The following KHDRBS2 variants were observed in gnomAD, a reference collection of about 807,000 sequenced individuals.
The protein encoded by KHDRBS2 is KH RNA binding domain containing, signal transduction associated 2.
KHDRBS2 carries 26 observed loss-of-function variants against 44.3 expected under a neutral mutation model. The observed-to-expected ratio is 0.59, with a 90% CI of 0.43 to 0.81. KHDRBS2 has a LOEUF of 0.81. KHDRBS2 is among the 40% of genes least tolerant of loss of function. KHDRBS2 has a pLI of 0.00. For missense variants in KHDRBS2, 476 were observed against 433.1 expected (o/e 1.10, Z -0.88); for synonymous variants, 194 against 151.1 (o/e 1.28, Z -2.08).
At chr6:61,969,672 G>A (rs892703234) in intron 4 of KHDRBS2, among the ~76,000 whole-genome samples, 13 of 151,972 alleles carry the variant, frequency 8.6e-5, no homozygotes, top group Non-Finnish European at 1.9e-4. Flanking sequence ...GAAAAGAACA[G>A]AAGAGGATTA....
rs537673863 is a variant in KHDRBS2, at chr6:62,044,119, G to A, written c.336+3759C>T. On this transcript the variant is annotated intron_variant, in intron 3 of 8. Coordinates refer to ENST00000281156, the MANE Select transcript of KHDRBS2 (RefSeq NM_152688.4). The stretch of plus-strand genomic sequence containing the variant: ...ACAACCAAATATCTTCTTTTATCAT[G>A]AAGTAAAGATCGAGTTTAAGACATA... Among the ~76,000 whole-genome samples the A allele has an allele frequency of 2.0e-4, 31 of 151,776 alleles. 1 individual carries two copies. In the South Asian group the frequency reaches 4.6e-3, roughly 22 times the overall value.
chr6:62,126,885 T>TCA (rs1362192865), intron 2 of KHDRBS2, among the ~76,000 whole-genome samples: 3 of 152,212 alleles, frequency 2.0e-5, no homozygotes. Context: ...TTTAACTTTA[T>TCA]ATATAGGTTT....
chr6:61,623,025 C>T, the KHDRBS2 span, among the ~76,000 whole-genome samples: 25 of 152,020 alleles, frequency 1.6e-4, no homozygotes, highest in Non-Finnish European at 3.5e-4. Flanking sequence ...GCCATGAGGA[C>T]TTGACTTGCA....
At chr6:62,033,228 T>C (rs1343366408) in intron 3 of KHDRBS2, among the ~76,000 whole-genome samples, 1 of 151,722 alleles carries the variant, frequency 6.6e-6, no homozygotes, top group Admixed American at 6.6e-5. Flanking sequence ...CTAGAAAATA[T>C]CTTCAAAAAG....
chr6:62,127,871 C>T (rs1809341552), intron 2 of KHDRBS2, among the ~76,000 whole-genome samples: 1 of 152,112 alleles, frequency 6.6e-6, no homozygotes, highest in Non-Finnish European at 1.5e-5. Flanking sequence ...CGTTGATCAT[C>T]TAATTGGTTC....
chr6:61,734,092 A>G (rs1774934478), intron 6 of KHDRBS2, among the ~76,000 whole-genome samples: 1 of 152,164 alleles, frequency 6.6e-6, no homozygotes, highest in Non-Finnish European at 1.5e-5. Context: ...TCAACTTAAG[A>G]AACTTCTAAA....
At chr6:61,685,572 T>C (rs1039756703) in intron 8 of KHDRBS2, among the ~76,000 whole-genome samples, 6 of 151,830 alleles carry the variant, frequency 4.0e-5, no homozygotes, top group Non-Finnish European at 2.9e-5. Context: ...TAGGCTGCTA[T>C]TTTACCCAGT....
intron 1 of KHDRBS2, among the ~76,000 whole-genome samples, chr6:62,265,234 T>C (rs1585507307): frequency 6.6e-6 from 1 of 151,976 alleles, no homozygotes; most frequent in Non-Finnish European, 1.5e-5. Context: ...ATCTTGTTCA[T>C]ACAATAAGTG....
intron 2 of KHDRBS2, among the ~76,000 whole-genome samples, chr6:62,119,204 G>C (rs1807019474): frequency 6.6e-6 from 1 of 152,136 alleles, no homozygotes; most frequent in Non-Finnish European, 1.5e-5. Context: ...GGCATAAACT[G>C]TTTAGAGGGA....
At position 62,250,851 on chromosome 6, in the gene KHDRBS2, A is replaced by G. The variant is rs144703932; in HGVS notation, c.91+35007T>C. The stretch of plus-strand genomic sequence containing the variant: ...GTGATAAAATGTATTCTTCAAAAAT[A>G]TCAGTCATCAAATACAAAGACAAGT... On this transcript the variant is annotated intron_variant, in intron 1 of 8. Transcript: ENST00000281156. Among the ~76,000 whole-genome samples, 462 of 152,192 alleles carry G rather than the reference A, an allele frequency of 3.0e-3. 1 individual carries two copies. Among genetic ancestry groups the G allele is most frequent in the Non-Finnish European group, 4.9e-3 (336 of 67,976 alleles).
chr6:61,901,192 C>CA (rs1255947488), intron 5 of KHDRBS2, 52 bp downstream of exon 5: 2 of 1,581,916 alleles, frequency 1.3e-6, no homozygotes, highest in East Asian at 4.5e-5. Flanking sequence ...TAAAGCAGGA[C>CA]AAAAAAGGCC....
chr6:62,145,628 T>TAG (rs1480124094), intron 2 of KHDRBS2, among the ~76,000 whole-genome samples: 1 of 151,892 alleles, frequency 6.6e-6, no homozygotes, highest in African/African-American at 2.4e-5. Flanking sequence ...AGCTATTAAT[T>TAG]CTAGTTTAAT....
At chr6:61,602,941 C>G in the KHDRBS2 span, among the ~76,000 whole-genome samples, 2 of 152,084 alleles carry the variant, frequency 1.3e-5, no homozygotes, top group South Asian at 4.2e-4. Context: ...CCACCTTTCC[C>G]CCCAGTTCAA....
intron 2 of KHDRBS2, among the ~76,000 whole-genome samples, chr6:62,138,119 A>C (rs1584911961): frequency 6.6e-6 from 1 of 152,190 alleles, no homozygotes; most frequent in East Asian, 1.9e-4. Context: ...TATATTCTGA[A>C]TAAGACTTGG....
intron 6 of KHDRBS2, among the ~76,000 whole-genome samples, chr6:61,808,987 T>C (rs1787654464): frequency 1.3e-5 from 2 of 152,098 alleles, no homozygotes; most frequent in South Asian, 4.1e-4. Context: ...GCAATATCTA[T>C]TTCTTTATTT....
At chr6:61,723,490 T>G (rs1773038742) in intron 7 of KHDRBS2, among the ~76,000 whole-genome samples, 1 of 151,208 alleles carries the variant, frequency 6.6e-6, no homozygotes, top group Admixed American at 6.6e-5. Flanking sequence ...AGAATTATAA[T>G]AAAACAATAC....
At chr6:62,118,130 A>C (rs1255841076) in intron 2 of KHDRBS2, among the ~76,000 whole-genome samples, 3 of 152,186 alleles carry the variant, frequency 2.0e-5, no homozygotes, top group Admixed American at 1.3e-4. Context: ...TTTCTTCTGC[A>C]TACAATTATC....
At chr6:61,601,849 T>C in the KHDRBS2 span, among the ~76,000 whole-genome samples, 1 of 152,130 alleles carries the variant, frequency 6.6e-6, no homozygotes, top group Admixed American at 6.5e-5. Flanking sequence ...CAGCTTACAG[T>C]TTCATTCCGT....
chr6:62,107,166 G>A (rs1393820320), intron 2 of KHDRBS2, among the ~76,000 whole-genome samples: 6 of 152,034 alleles, frequency 3.9e-5, no homozygotes, highest in Admixed American at 1.3e-4. Context: ...CCTGTTTGCA[G>A]ATGACATGAT....
Sources: gnomAD v4.1 joint callset for allele counts (sites outside exome capture counted in the v4.1 genomes callset) on GRCh38, gnomAD v4.1.1 for gene constraint, MANE v1.5 for transcripts, NCBI Gene and HGNC (gene_info 2026-07-23, HGNC 2026-07-21) for gene names.